The following ITPR2 variants were observed in gnomAD, a reference collection of about 807,000 sequenced individuals.
ITPR2 encodes inositol 1,4,5-trisphosphate receptor type 2.
In ITPR2, 207 loss-of-function variants were observed where a neutral mutation model predicts 317.1. The observed-to-expected ratio is 0.65, with a 90% CI of 0.58 to 0.73. ITPR2 has a LOEUF of 0.73. Among genes scored for constraint, ITPR2 ranks in the 30% least tolerant of loss-of-function variants. The pLI is 0.00. For synonymous variants in ITPR2, 1,156 were observed against 1,149.1 expected, an observed-to-expected ratio of 1.01 and a Z score of -0.12; for missense variants, 2,613 against 3,284.0, an observed-to-expected ratio of 0.80 and a Z score of 4.99.
Position 26,427,798 on chromosome 12 carries a change from T to C in ITPR2, c.6945+115A>G, listed in dbSNP as rs1035275423. On this transcript the variant is annotated intron_variant, in intron 49 of 56. Transcript: ENST00000381340. ...TTATGCTCTGGTTAATTTAGATTTATAATAAATTAGAATTCACCATGCATA... is the reference window on the plus strand; with the variant it reads ...TTATGCTCTGGTTAATTTAGATTTACAATAAATTAGAATTCACCATGCATA... The C allele has an allele frequency of 6.5e-5, 41 of 632,472 alleles. No homozygotes were observed. The African/African-American group carries it at 7.0e-4, about 11-fold the overall frequency. 39.2% of individuals were successfully genotyped at this position (632,472 alleles called of 1,614,324 possible). A position where few individuals can be genotyped will look rare whatever the true frequency, so the allele number is the denominator to read the frequency against.
intron 34 of ITPR2, among the ~76,000 whole-genome samples, chr12:26,565,190 T>C (rs1472062225): frequency 6.6e-6 from 1 of 152,120 alleles, no homozygotes; most frequent in African/African-American, 2.4e-5. Flanking sequence ...GCAAATAATT[T>C]TTACATGTCC....
intron 55 of ITPR2, among the ~76,000 whole-genome samples, chr12:26,343,331 A>C (rs1219899957): frequency 6.6e-6 from 1 of 152,150 alleles, no homozygotes; most frequent in African/African-American, 2.4e-5. Context: ...AGGTAGAACA[A>C]CTTCAGGAAA....
chr12:26,534,672 G>T (rs6487559), intron 37 of ITPR2, among the ~76,000 whole-genome samples: 86,063 of 152,094 alleles, frequency 0.57, 28,292 homozygotes, highest in Non-Finnish European at 0.76. Context: ...TTTTAAAAAA[G>T]ATGTTGAACA....
intron 37 of ITPR2, among the ~76,000 whole-genome samples, chr12:26,497,090 A>AG (rs1565561652): frequency 7.4e-6 from 1 of 135,706 alleles, no homozygotes; most frequent in African/African-American, 2.8e-5. Context: ...TTTCAGCTGT[A>AG]GCTTCCAATA....
In ITPR2 at chr12:26,658,195, A is replaced by G. The variant is rs190464026; in HGVS notation, c.1887-65T>C. ...GCATTTTATAAAAGCATCACAATAAAGACATAATTTGGAATATAATAAAAT... is the reference window on the plus strand; with the variant it reads ...GCATTTTATAAAAGCATCACAATAAGGACATAATTTGGAATATAATAAAAT... On this transcript the variant is annotated intron_variant, in intron 16 of 56. Transcript: ENST00000381340. 6.6e-3 allele frequency: 7,649 copies of G among 1,154,208 alleles called. 35 individuals carry two copies. The highest frequency in any genetic ancestry group is 7.8e-3 in the Non-Finnish European group (6,674 of 851,216). 71.5% of individuals were successfully genotyped at this position (1,154,208 alleles called of 1,614,324 possible).
chr12:26,650,195 C>T (rs1026126081), intron 21 of ITPR2, among the ~76,000 whole-genome samples: 23 of 151,808 alleles, frequency 1.5e-4, no homozygotes, highest in African/African-American at 5.6e-4. Flanking sequence ...AGAGAGCAAA[C>T]AAGGTAACAA....
chr12:26,534,239 T>G (rs117034226), intron 37 of ITPR2, among the ~76,000 whole-genome samples: 1 of 152,366 alleles, frequency 6.6e-6, no homozygotes, highest in Non-Finnish European at 1.5e-5. Context: ...ATATTCAGCA[T>G]GCTTTTCCCA....
rs1484765663 is a variant in ITPR2, at chr12:26,434,475, G to T, written c.6769+1746C>A. Among the ~76,000 whole-genome samples the T allele has an allele frequency of 3.3e-5, 5 of 152,108 alleles. No individual in the cohort carries two copies. In the East Asian group the frequency reaches 9.6e-4, roughly 29 times the overall value. ...GTAAAGAGCAACTGCCCAGAGGGGT[G>T]GCATTTCCCATCACTACATTTCATG... On this transcript the variant is annotated intron_variant, in intron 48 of 56. Coordinates refer to ENST00000381340, the MANE Select transcript of ITPR2 (RefSeq NM_002223.4).
intron 37 of ITPR2, among the ~76,000 whole-genome samples, chr12:26,509,422 TATAAA>T (rs1943270777): frequency 6.6e-6 from 1 of 152,170 alleles, no homozygotes; most frequent in South Asian, 2.1e-4. Context: ...GTTACCAAAA[TATAAA>T]ATAAATCCAT....
At chr12:26,606,247 T>C (rs1041209789) in intron 26 of ITPR2, among the ~76,000 whole-genome samples, 4 of 151,432 alleles carry the variant, frequency 2.6e-5, no homozygotes, top group Admixed American at 2.6e-4. Flanking sequence ...CATCTCCAAA[T>C]GATCCTTTTG....
At chr12:26,374,626 T>G (rs1370335565) in intron 55 of ITPR2, among the ~76,000 whole-genome samples, 2 of 152,222 alleles carry the variant, frequency 1.3e-5, no homozygotes, top group Non-Finnish European at 2.9e-5. Flanking sequence ...ACAGTAACTG[T>G]GAGCCAGACA....
At chr12:26,629,249 A>C (rs925128516) in intron 22 of ITPR2, among the ~76,000 whole-genome samples, 8 of 152,080 alleles carry the variant, frequency 5.3e-5, no homozygotes, top group African/African-American at 1.9e-4. Flanking sequence ...CACAGTGTCC[A>C]CTTTACTTTG....
At chr12:26,604,032 A>C (rs769795717) in intron 26 of ITPR2, among the ~76,000 whole-genome samples, 7 of 152,204 alleles carry the variant, frequency 4.6e-5, no homozygotes, top group Non-Finnish European at 8.8e-5. Flanking sequence ...TAAGCTCAGG[A>C]AAAAGTTACA....
In ITPR2 at chr12:26,403,960, C is replaced by T. The variant is rs547234489; in HGVS notation, c.7400-3702G>A. On this transcript the variant is annotated intron_variant, in intron 52 of 56. Transcript: ENST00000381340. ...TGTAGGGAGTTTGGATTTTATTGGG[C>T]GGGAAATGGAGCATCATGGAAAGCC... 1.8e-4 allele frequency among the ~76,000 whole-genome samples: 27 copies of T among 151,912 alleles called. No homozygotes were observed. In the East Asian group the frequency reaches 3.3e-3, roughly 19 times the overall value.
intron 55 of ITPR2, among the ~76,000 whole-genome samples, chr12:26,372,190 T>C (rs1939207074): frequency 6.6e-6 from 1 of 152,216 alleles, no homozygotes; most frequent in Non-Finnish European, 1.5e-5. Flanking sequence ...TATGACCATA[T>C]ATTATTATTT....
At chr12:26,464,198 C>T (rs1005924920) in intron 45 of ITPR2, among the ~76,000 whole-genome samples, 1 of 152,098 alleles carries the variant, frequency 6.6e-6, no homozygotes, top group African/African-American at 2.4e-5. Flanking sequence ...TGGGATGAAT[C>T]AACCACATTA....
intron 22 of ITPR2, among the ~76,000 whole-genome samples, chr12:26,630,256 A>G (rs527619062): frequency 6.6e-6 from 1 of 152,340 alleles, no homozygotes; most frequent in East Asian, 1.9e-4. Flanking sequence ...AATACAATCA[A>G]AATTAAAACT....
chr12:26,638,000 C>A (rs1946900804), intron 21 of ITPR2, among the ~76,000 whole-genome samples: 1 of 152,126 alleles, frequency 6.6e-6, no homozygotes, highest in Non-Finnish European at 1.5e-5. Context: ...CAAAAACCAA[C>A]CAAAAGCATG....
chr12:26,450,600 C>T (rs1274093236), intron 45 of ITPR2, among the ~76,000 whole-genome samples: 1 of 152,212 alleles, frequency 6.6e-6, no homozygotes, highest in Non-Finnish European at 1.5e-5. Flanking sequence ...AAAATACTCA[C>T]TACGGCAGGT....
Sources: gnomAD v4.1 joint callset for allele counts (sites outside exome capture counted in the v4.1 genomes callset) on GRCh38, gnomAD v4.1.1 for gene constraint, MANE v1.5 for transcripts, NCBI Gene and HGNC (gene_info 2026-07-23, HGNC 2026-07-21) for gene names.